Variants in JHY observed in about 807,000 individuals in gnomAD.
JHY encodes the protein junctional cadherin complex regulator.
A neutral mutation model predicts 78.0 loss-of-function variants in JHY; 69 were observed. The observed-to-expected ratio is 0.88, with a 90% CI of 0.73 to 1.08. JHY has a LOEUF of 1.08. Ranked by LOEUF, JHY falls within the 50% of genes least tolerant of loss-of-function variation. The pLI is 0.00. For synonymous variants in JHY, 368 were observed against 342.6 expected (o/e 1.07, Z -0.82); for missense variants, 944 against 927.8 (o/e 1.02, Z -0.23).
intron 5 of JHY, among the ~76,000 whole-genome samples, chr11:122,938,986 CT>C (rs61703024): frequency 0.03 from 4,039 of 133,830 alleles, 91 homozygotes; most frequent in South Asian, 0.11. Context: ...CCTGCTTCTT[CT>C]TTTTTTTTTT....
intron 4 of JHY, among the ~76,000 whole-genome samples, chr11:122,930,834 A>T (rs1429244368): frequency 6.6e-6 from 1 of 152,176 alleles, no homozygotes; most frequent in Non-Finnish European, 1.5e-5. Context: ...CAGGTATCTT[A>T]GTCTGTTTGT....
At chr11:122,931,026 G>T (rs1321497498) in intron 4 of JHY, among the ~76,000 whole-genome samples, 2 of 152,082 alleles carry the variant, frequency 1.3e-5, no homozygotes, top group East Asian at 3.9e-4. Flanking sequence ...TGGAGGGGGG[G>T]AATGAGCTTC....
chr11:122,890,307 T>G (rs1862584567), intron 2 of JHY, among the ~76,000 whole-genome samples: 1 of 152,188 alleles, frequency 6.6e-6, no homozygotes, highest in African/African-American at 2.4e-5. Flanking sequence ...GATCCCATTT[T>G]GAAGGATGCA....
chr11:122,888,818 A>G (rs1307044538), intron 2 of JHY, among the ~76,000 whole-genome samples: 1 of 152,188 alleles, frequency 6.6e-6, no homozygotes, highest in Admixed American at 6.5e-5. Context: ...ATATCTATAT[A>G]TGGATGCATG....
chr11:122,954,545 T>C (rs1864153044), intron 6 of JHY, among the ~76,000 whole-genome samples: 1 of 152,234 alleles, frequency 6.6e-6, no homozygotes, highest in Non-Finnish European at 1.5e-5. Flanking sequence ...AAATGTCCTA[T>C]TTTAAGTCTC....
chr11:122,942,463 A>G (rs57998973), intron 5 of JHY, among the ~76,000 whole-genome samples: 2,775 of 152,204 alleles, frequency 0.018, 77 homozygotes, highest in South Asian at 0.11. Flanking sequence ...TCACTCTGTC[A>G]CCCAGGCTGG....
chr11:122,910,472 A>C (rs532788669), intron 3 of JHY, among the ~76,000 whole-genome samples: 9 of 146,234 alleles, frequency 6.2e-5, no homozygotes, highest in African/African-American at 2.3e-4. Flanking sequence ...TCTTGTCTCC[A>C]AAAAAAAAAA....
chr11:122,907,781 C>T (rs959130187), intron 3 of JHY, among the ~76,000 whole-genome samples: 9 of 146,012 alleles, frequency 6.2e-5, no homozygotes, highest in Non-Finnish European at 1.3e-4. Context: ...GGCGGTGAGC[C>T]GAGATTGCAC....
At chr11:122,924,001 T>G (rs575691488) in intron 3 of JHY, among the ~76,000 whole-genome samples, 1 of 150,840 alleles carries the variant, frequency 6.6e-6, no homozygotes, top group South Asian at 2.1e-4. Context: ...CTTCCCAAAG[T>G]GCCGGGATTA....
chr11:122,920,736 A>T (rs867622302), intron 3 of JHY, among the ~76,000 whole-genome samples: 3 of 152,304 alleles, frequency 2.0e-5, no homozygotes, highest in Middle Eastern at 3.4e-3. Flanking sequence ...CCAGGCACTC[A>T]GCCGCTCTGC....
At chr11:122,944,927 T>C (rs1173470868) in intron 5 of JHY, among the ~76,000 whole-genome samples, 1 of 152,178 alleles carries the variant, frequency 6.6e-6, no homozygotes, top group Admixed American at 6.5e-5. Context: ...CCTCTGGTTT[T>C]GGTGTTCTGA....
intron 2 of JHY, among the ~76,000 whole-genome samples, chr11:122,887,991 G>A (rs1433127160): frequency 1.3e-5 from 2 of 148,302 alleles, no homozygotes; most frequent in East Asian, 3.9e-4. Context: ...GCGAGAAGTA[G>A]AGCCCGGTCC....
intron 1 of JHY, among the ~76,000 whole-genome samples, chr11:122,884,560 C>T (rs899034383): frequency 6.6e-6 from 1 of 152,134 alleles, no homozygotes; most frequent in African/African-American, 2.4e-5. Context: ...CCTACATGAA[C>T]TCAAAGCACC....
chr11:122,907,792 C>T (rs914631388), intron 3 of JHY, among the ~76,000 whole-genome samples: 2 of 146,130 alleles, frequency 1.4e-5, no homozygotes, highest in African/African-American at 5.1e-5. Context: ...GAGATTGCAC[C>T]ATTGCACTCC....
intron 6 of JHY, among the ~76,000 whole-genome samples, chr11:122,948,836 A>G (rs1014877992): frequency 6.6e-6 from 1 of 151,984 alleles, no homozygotes; most frequent in African/African-American, 2.4e-5. Context: ...CTGTAATCCC[A>G]GCACTTTGGA....
At chr11:122,894,382 A>C (rs1284522852) in intron 2 of JHY, among the ~76,000 whole-genome samples, 2 of 152,150 alleles carry the variant, frequency 1.3e-5, no homozygotes, top group African/African-American at 4.8e-5. Context: ...AACTCTACCT[A>C]AAGAAAGTGT....
chr11:122,912,328 G>A (rs1020373852), intron 3 of JHY, among the ~76,000 whole-genome samples: 2 of 151,730 alleles, frequency 1.3e-5, no homozygotes, highest in Non-Finnish European at 2.9e-5. Context: ...GTCTAGCCAG[G>A]TGCTTGGGGA....
At chr11:122,908,296 A>T (rs1863037283) in intron 3 of JHY, among the ~76,000 whole-genome samples, 1 of 152,162 alleles carries the variant, frequency 6.6e-6, no homozygotes. Context: ...GGACCCAGGG[A>T]TCTGAATTTT....
chr11:122,886,097 G>A lies in JHY; in HGVS notation c.248G>A (p.Gly83Glu). ...GACGAGGAGGAAAGCCCTCGATGGGGAAGCCTGCACGAGATGGAAGAGGAA... is the reference window on the plus strand; with the variant it reads ...GACGAGGAGGAAAGCCCTCGATGGGAAAGCCTGCACGAGATGGAAGAGGAA... ...SLDEEESPRW[G>E]SLHEMEEEAS... is the part of the protein sequence containing the mutation. Residue 83 changes from glycine to glutamate, a missense_variant, in exon 2 of 9, where the codon GGA (glycine) becomes GAA (glutamate). Gly to Glu is a moderately conservative substitution (Grantham distance 98). Coordinates refer to ENST00000227349, the MANE Select transcript of JHY (RefSeq NM_024806.4). 6.2e-7 allele frequency: 1 copy of A among 1,614,164 alleles called. No homozygotes were observed. Among genetic ancestry groups the A allele is most frequent in the Non-Finnish European group, 8.5e-7 (1 of 1,180,040 alleles).
Sources: gnomAD v4.1 joint callset for allele counts (sites outside exome capture counted in the v4.1 genomes callset) on GRCh38, gnomAD v4.1.1 for gene constraint, MANE v1.5 for transcripts, NCBI Gene and HGNC (gene_info 2026-07-23, HGNC 2026-07-21) for gene names.